The following PPP2R5B variants were observed in gnomAD, a reference collection of about 807,000 sequenced individuals.
PPP2R5B encodes serine/threonine-protein phosphatase 2A 56 kDa regulatory subunit beta isoform.
PPP2R5B carries 19 observed loss-of-function variants against 59.9 expected under a neutral mutation model. That is an observed-to-expected ratio of 0.32 (90% CI 0.22 to 0.47). The LOEUF (loss-of-function observed/expected upper bound fraction) is 0.47, where lower values mean the gene tolerates loss of function less well. Ranked by LOEUF, PPP2R5B falls within the 20% of genes least tolerant of loss-of-function variation. The pLI, the probability that PPP2R5B is intolerant of heterozygous loss-of-function variation, is 1.00. For synonymous variants in PPP2R5B, 286 were observed against 260.5 expected (o/e 1.10, Z -0.94); for missense variants, 441 against 640.2 (o/e 0.69, Z 3.36).
chr11:64,922,462 T>A (rs1192724552), upstream of PPP2R5B, among the ~76,000 whole-genome samples: 4 of 151,944 alleles, frequency 2.6e-5, no homozygotes, highest in African/African-American at 9.7e-5. Flanking sequence ...CACTCAAGCC[T>A]GGGTGACAGA....
intron 2 of PPP2R5B, 86 bp from the exon 3 acceptor site, chr11:64,926,626 G>T: frequency 2.7e-6 from 4 of 1,455,802 alleles, no homozygotes; most frequent in Non-Finnish European, 2.8e-6. Flanking sequence ...AGAGGCAGCC[G>T]TGGAGATTAG....
In PPP2R5B at chr11:64,933,792, C is replaced by T; in HGVS notation, c.1442C>T (p.Ala481Val). The T allele has an allele frequency of 6.4e-7, 1 of 1,553,340 alleles. No individual in the cohort carries two copies. The highest frequency in any genetic ancestry group is 1.2e-5 in the South Asian group (1 of 84,146). Reference sequence around the variant, plus strand: ...CAGGGGACCCAGGGGGCCAAGGAGGCCCCCCTCCAGCGGCTTACACCCCAG... The same window carrying T: ...CAGGGGACCCAGGGGGCCAAGGAGGTCCCCCTCCAGCGGCTTACACCCCAG... ...RLQGTQGAKE[A>V]PLQRLTPQVA... The change falls in exon 14 of 14, where the codon GCC becomes GTC. Residue 481 changes from alanine to valine, a missense_variant. Around this residue, in one of 3 missense-constraint regions of PPP2R5B, gnomAD observed 70 missense variants for 64.2 expected, o/e 1.09. Coordinates refer to ENST00000164133, the MANE Select transcript of PPP2R5B (RefSeq NM_006244.4).
Position 64,930,354 on chromosome 11 carries a change from T to C in PPP2R5B, c.755T>C (p.Val252Ala), listed in dbSNP as rs1945215332. 2 of 1,614,050 alleles carry C rather than the reference T, an allele frequency of 1.2e-6. No homozygotes were observed. Among genetic ancestry groups the C allele is most frequent in the African/African-American group, 2.7e-5 (2 of 75,026 alleles). Residue 252 changes from valine (V) to alanine (A), a missense_variant, in exon 7 of 14, where the codon GTG (valine) becomes GCG (alanine). Val to Ala is a moderately conservative substitution (Grantham distance 64). Transcript: ENST00000164133. ...FIYEFEHFNG[V>A]AELLEILGSI... ...TATGAATTCGAGCACTTCAATGGTG[T>C]GGCTGAGCTGCTGGAGATCCTAGGA... is the stretch of plus-strand genomic sequence containing the variant.
upstream of PPP2R5B, among the ~76,000 whole-genome samples, chr11:64,920,034 T>C (rs1242799938): frequency 1.3e-5 from 2 of 150,940 alleles, no homozygotes; most frequent in Non-Finnish European, 1.5e-5. Context: ...AGTCACTTGA[T>C]CCCGGGGGGC....
upstream of PPP2R5B, among the ~76,000 whole-genome samples, chr11:64,919,966 CT>C: frequency 1.3e-5 from 2 of 152,076 alleles, no homozygotes; most frequent in Admixed American, 1.3e-4. Flanking sequence ...AAAAAAGAGG[CT>C]TGGAACAGTG....
At chr11:64,933,276 G>A in intron 13 of PPP2R5B, 30 bp downstream of exon 13, 1 of 1,554,908 alleles carries the variant, frequency 6.4e-7, no homozygotes, top group Non-Finnish European at 8.9e-7. Flanking sequence ...CGTGGGGGAA[G>A]GGAGAAGAGC....
rs769253810 is a variant in PPP2R5B at position 64,925,631 on chromosome 11, C to T, written c.-104C>T. The T allele has an allele frequency of 6.2e-6, 3 of 485,610 alleles. No homozygotes were observed. Among genetic ancestry groups the T allele is most frequent in the Non-Finnish European group, 1.1e-5 (3 of 278,238 alleles). The allele number at this position is 485,610 out of a possible 1,614,324, so 30.1% of individuals were successfully genotyped here. A position where few individuals can be genotyped will look rare whatever the true frequency, so the allele number is the denominator to read the frequency against. On this transcript the variant is annotated 5_prime_UTR_variant, in exon 2 of 14. Transcript: ENST00000164133. The surrounding 1 kb of genome is among the most constrained non-coding windows in gnomAD (Gnocchi z 4.6). ...GTGGTTGTGCCCCCCCCCCAAAGGC[C>T]GGACAGGATGGGACCAAGTTAGTCT...
At chr11:64,926,008 C>T in intron 2 of PPP2R5B, 75 bp downstream of exon 2, 1 of 1,436,032 alleles carries the variant, frequency 7.0e-7, no homozygotes, top group Non-Finnish European at 9.5e-7. Context: ...GGGTGGGAGG[C>T]AGCGGGCAGC....
intron 1 of PPP2R5B, among the ~76,000 whole-genome samples, chr11:64,919,182 A>G (rs753093085): frequency 9.2e-5 from 14 of 152,146 alleles, no homozygotes; most frequent in Non-Finnish European, 2.1e-4. Flanking sequence ...CTACTAAAAA[A>G]TATTTAAAAA....
intron 2 of PPP2R5B, 87 bp from the exon 3 acceptor site, chr11:64,926,625 C>G: frequency 2.8e-6 from 4 of 1,444,538 alleles, no homozygotes; most frequent in Non-Finnish European, 2.8e-6. Context: ...CAGAGGCAGC[C>G]GTGGAGATTA....
rs1374863545 is a variant in PPP2R5B at position 64,931,889 on chromosome 11, G to A, written c.1116+21G>A. 6.2e-7 allele frequency: 1 copy of A among 1,612,830 alleles called. No homozygotes were observed. Among genetic ancestry groups the A allele is most frequent in the Admixed American group, 1.7e-5 (1 of 59,904 alleles). On this transcript the variant is annotated intron_variant, in intron 11 of 13. Coordinates refer to ENST00000164133, the MANE Select transcript of PPP2R5B (RefSeq NM_006244.4). The surrounding 1 kb of genome is among the most constrained non-coding windows in gnomAD (Gnocchi z 5.0). ...TCCAGGTATGAGGCAGGACAGGCGGGGATGGGAGCAGGGCTGGCCTGGAAA... is the reference window on the plus strand; with the variant it reads ...TCCAGGTATGAGGCAGGACAGGCGGAGATGGGAGCAGGGCTGGCCTGGAAA...
chr11:64,924,583 TTTAAACGGC>T (rs1945138213), upstream of PPP2R5B: 1 of 152,270 alleles, frequency 6.6e-6, no homozygotes, highest in Admixed American at 6.5e-5. Context: ...GGCAGCTCAC[TTTAAACGGC>T]GCGGGGACTA....
chr11:64,925,840 C>G lies in PPP2R5B; in HGVS notation c.106C>G (p.Leu36Val). ...DKVDGFSRRSLRRARPRRSHS... is the reference protein window; with the variant it reads ...DKVDGFSRRSVRRARPRRSHS... ...GGTGGACGGCTTCTCCCGCCGTTCC[C>G]TCCGCAGAGCCCGGCCCCGCCGCTC... Residue 36 changes from leucine (L) to valine (V), a missense_variant, in exon 2 of 14, where the codon CTC (leucine) becomes GTC (valine). This residue lies in a region of PPP2R5B where 103 missense variants were observed against 87.9 expected (regional missense o/e 1.17). Coordinates refer to ENST00000164133, the MANE Select transcript of PPP2R5B (RefSeq NM_006244.4). This position sits in a 1 kb window ranked among gnomAD's most constrained non-coding sequence, Gnocchi z 4.6. The G allele has an allele frequency of 6.2e-7, 1 of 1,610,942 alleles. No homozygotes were observed. The highest frequency in any genetic ancestry group is 1.1e-5 in the South Asian group (1 of 90,926).
At chr11:64,920,633 A>ATT (rs34609480), upstream of PPP2R5B, among the ~76,000 whole-genome samples, 120,028 of 143,914 alleles carry the variant, frequency 0.83, 51,138 homozygotes, top group East Asian at 1. Context: ...TCCAGCAGTT[A>ATT]TTTTTTTTTT....
chr11:64,922,596 C>T (rs1264995105), upstream of PPP2R5B, among the ~76,000 whole-genome samples: 2 of 151,998 alleles, frequency 1.3e-5, no homozygotes, highest in African/African-American at 4.8e-5. Context: ...TTTTTTCAGC[C>T]GGGCACAGTG....
rs757299585 is a variant in PPP2R5B at position 64,931,400 on chromosome 11, C to T, written c.892-36C>T. 1 of 1,610,770 alleles carries T rather than the reference C, an allele frequency of 6.2e-7. No individual in the cohort carries two copies. The highest frequency in any genetic ancestry group is 8.5e-7 in the Non-Finnish European group (1 of 1,177,358). On this transcript the variant is annotated intron_variant, in intron 8 of 13. Coordinates refer to ENST00000164133, the MANE Select transcript of PPP2R5B (RefSeq NM_006244.4). The surrounding 1 kb of genome is among the most constrained non-coding windows in gnomAD (Gnocchi z 5.0). Reference sequence around the variant, plus strand: ...TCCTTGGCGCCTGGTGCCTTCCTGACCTGTCTTCCTTCCCTCCACCTGTCA... The same window carrying T: ...TCCTTGGCGCCTGGTGCCTTCCTGATCTGTCTTCCTTCCCTCCACCTGTCA...
intron 3 of PPP2R5B, 87 bp downstream of exon 3, chr11:64,926,995 TAA>T (rs1945172170): frequency 1.8e-5 from 27 of 1,472,230 alleles, no homozygotes; most frequent in Non-Finnish European, 2.4e-5. Flanking sequence ...GCGTGGAGAA[TAA>T]CCCTGTACTC....
intron 13 of PPP2R5B, 73 bp from the exon 14 acceptor site, chr11:64,933,624 G>A: frequency 1.4e-6 from 2 of 1,466,740 alleles, no homozygotes; most frequent in East Asian, 5.0e-5. Context: ...GGTAGTGAGG[G>A]AGTCTGGACT....
chr11:64,928,315 T>C lies in PPP2R5B; in HGVS notation c.612T>C (p.Ser204=), dbSNP rs749258551. 2 of 1,613,996 alleles carry C rather than the reference T, an allele frequency of 1.2e-6. No individual in the cohort carries two copies. The highest frequency in any genetic ancestry group is 1.7e-6 in the Non-Finnish European group (2 of 1,179,944). ...CACAGCTCCTGGAGCTATTTGATAG[T>C]GAGGATCCCCGGGAGCGTGAGTACC... ...FVLMLLELFD[S]EDPREREYLK... Residue 204 remains serine (S), a synonymous_variant, in exon 6 of 14, where the codon AGT becomes AGC. Coordinates refer to ENST00000164133, the MANE Select transcript of PPP2R5B (RefSeq NM_006244.4).
Sources: allele counts gnomAD v4.1 joint callset (sites outside exome capture counted in the v4.1 genomes callset), GRCh38; gene constraint gnomAD v4.1.1; regional missense constraint gnomAD v4.1.1; non-coding constraint Gnocchi (gnomAD v3.1); transcripts MANE v1.5; gene names NCBI Gene and HGNC (gene_info 2026-07-23, HGNC 2026-07-21).